The following ANO3 variants were observed in gnomAD, a reference collection of about 807,000 sequenced individuals.
ANO3 encodes anoctamin 3, also known as anoctamin-3.
Under a neutral mutation model 144.8 loss-of-function variants are expected in ANO3, and 99 were observed. The ratio of observed to expected loss-of-function variants is 0.68; its 90% CI spans 0.58 to 0.81. The LOEUF (loss-of-function observed/expected upper bound fraction) is 0.81. ANO3 is among the 30% of genes least tolerant of loss of function. The pLI is 0.00. For missense variants in ANO3, 905 were observed against 1,202.2 expected (o/e 0.75, Z 3.66); for synonymous variants, 414 against 392.6 (o/e 1.05, Z -0.64).
At chr11:26,492,588 A>C (rs1458294716) in intron 4 of ANO3, among the ~76,000 whole-genome samples, 1 of 152,202 alleles carries the variant, frequency 6.6e-6, no homozygotes, top group Non-Finnish European at 1.5e-5. Flanking sequence ...TCCCACACTC[A>C]AAATATCATC....
chr11:26,234,903 G>A (rs995908474), intron 1 of ANO3, among the ~76,000 whole-genome samples: 11 of 151,890 alleles, frequency 7.2e-5, no homozygotes, highest in African/African-American at 2.4e-4. Context: ...TAAGGCCTGA[G>A]GGCCAGAAGT....
intron 1 of ANO3, among the ~76,000 whole-genome samples, chr11:26,312,044 C>T (rs995579688): frequency 2.0e-5 from 3 of 152,130 alleles, no homozygotes; most frequent in East Asian, 1.9e-4. Context: ...GTTCCCCACC[C>T]GGTGTCCAAG....
At chr11:26,362,748 A>C (rs567001400) in intron 1 of ANO3, among the ~76,000 whole-genome samples, 1 of 152,308 alleles carries the variant, frequency 6.6e-6, no homozygotes, top group Admixed American at 6.5e-5. Context: ...ATATTTTGTT[A>C]GTTGCTATTT....
chr11:26,507,386 G>A lies in ANO3; in HGVS notation c.433-718G>A, dbSNP rs1164143757. Among the ~76,000 whole-genome samples the A allele has an allele frequency of 2.0e-5, 3 of 152,196 alleles. No homozygotes were observed. In the East Asian group the frequency reaches 5.8e-4, roughly 29 times the overall value. ...GCAGAGACCATTAAAAATAGCTTAG[G>A]TTGGTGGATACAACAGAGTGAAGGC... On this transcript the variant is annotated intron_variant, in intron 4 of 26. Transcript: ENST00000256737.
intron 1 of ANO3, among the ~76,000 whole-genome samples, chr11:26,315,621 T>C (rs75525792): frequency 2.0e-5 from 3 of 152,244 alleles, no homozygotes; most frequent in South Asian, 2.1e-4. Flanking sequence ...CTTTTTTTTT[T>C]CAAGAGAAAT....
intron 3 of ANO3, among the ~76,000 whole-genome samples, chr11:26,454,743 T>C (rs1227692400): frequency 2.0e-5 from 3 of 151,568 alleles, no homozygotes; most frequent in African/African-American, 7.3e-5. Flanking sequence ...ATCTTCCTGA[T>C]ACCAAAGCCA....
chr11:26,498,533 AATT>A (rs1417875397), intron 4 of ANO3, among the ~76,000 whole-genome samples: 2 of 149,940 alleles, frequency 1.3e-5, no homozygotes, highest in African/African-American at 4.9e-5. Context: ...GATAGTCAAT[AATT>A]ATTAATAATT....
chr11:26,630,692 G>T (rs771978168), intron 18 of ANO3, among the ~76,000 whole-genome samples: 1 of 152,152 alleles, frequency 6.6e-6, no homozygotes, highest in Non-Finnish European at 1.5e-5. Flanking sequence ...ACTAGGCTTA[G>T]TCGAGATATA....
intron 1 of ANO3, among the ~76,000 whole-genome samples, chr11:26,362,550 A>G (rs1855955911): frequency 6.6e-6 from 1 of 152,076 alleles, no homozygotes; most frequent in South Asian, 2.1e-4. Flanking sequence ...GCTGACCCCA[A>G]CCAGAGGAAT....
chr11:26,322,160 G>GA, intron 1 of ANO3, among the ~76,000 whole-genome samples: 1 of 151,920 alleles, frequency 6.6e-6, no homozygotes. Context: ...TTTAGCTCCA[G>GA]AAAATCTTCT....
intron 1 of ANO3, among the ~76,000 whole-genome samples, chr11:26,293,530 CATGTATATATATATATATATATATATAT>C (rs1307306912): frequency 0.021 from 1,286 of 62,430 alleles, 78 homozygotes; most frequent in African/African-American, 0.074. Context: ...CTATAAATTC[CATGTATATATATATATATATATATATAT>C]ATATATATAT....
intron 10 of ANO3, among the ~76,000 whole-genome samples, chr11:26,538,409 C>T (rs1473786667): frequency 2.0e-5 from 3 of 152,126 alleles, no homozygotes; most frequent in African/African-American, 7.2e-5. Flanking sequence ...ATTTAATGTA[C>T]CAGGCCTTGT....
At chr11:26,244,083 C>A (rs2133813413) in intron 1 of ANO3, among the ~76,000 whole-genome samples, 2 of 147,468 alleles carry the variant, frequency 1.4e-5, no homozygotes, top group East Asian at 4.0e-4. Flanking sequence ...TGCCACTGCA[C>A]TCCAACCTCA....
rs1238885647 is a variant in ANO3, at chr11:26,663,257, T to G, written c.*2813T>G. The G allele has an allele frequency of 6.6e-6, 1 of 152,044 alleles. No individual in the cohort carries two copies. The highest frequency in any genetic ancestry group is 1.5e-5 in the Non-Finnish European group (1 of 67,968). 9.4% of individuals were successfully genotyped at this position (152,044 alleles called of 1,614,324 possible). ...TGTATGATGGAATGAATAGAAAACT[T>G]TTTCACTCAATAAATTATTATTTGA... is the stretch of plus-strand genomic sequence containing the variant. On this transcript the variant is annotated 3_prime_UTR_variant, in exon 27 of 27. Coordinates refer to ENST00000256737, the MANE Select transcript of ANO3 (RefSeq NM_031418.4).
chr11:26,318,108 G>A (rs986175186), intron 1 of ANO3, among the ~76,000 whole-genome samples: 4 of 152,104 alleles, frequency 2.6e-5, no homozygotes, highest in African/African-American at 9.7e-5. Context: ...GGGCCTGTCA[G>A]GGAGTTGGGG....
At chr11:26,544,436 T>C (rs946244568) in intron 11 of ANO3, among the ~76,000 whole-genome samples, 2 of 150,022 alleles carry the variant, frequency 1.3e-5, no homozygotes, top group East Asian at 3.9e-4. Context: ...AGGCTAGGGG[T>C]GGAGAGGAGG....
At chr11:26,277,487 T>C (rs1334119610) in intron 1 of ANO3, among the ~76,000 whole-genome samples, 1 of 152,082 alleles carries the variant, frequency 6.6e-6, no homozygotes, top group Non-Finnish European at 1.5e-5. Context: ...TATAAATCCT[T>C]AACACAGTGT....
intron 1 of ANO3, among the ~76,000 whole-genome samples, chr11:26,335,177 G>A (rs147766480): frequency 7.2e-4 from 109 of 152,268 alleles, no homozygotes; most frequent in African/African-American, 2.6e-3. Flanking sequence ...TACAGGTTAT[G>A]TCATTTAATA....
chr11:26,299,006 AAG>A (rs1455722033), intron 1 of ANO3, among the ~76,000 whole-genome samples: 1 of 152,192 alleles, frequency 6.6e-6, no homozygotes, highest in African/African-American at 2.4e-5. Flanking sequence ...GAGTTAGAAA[AAG>A]AGATCTGGAC....
Sources: gnomAD v4.1 joint callset for allele counts (sites outside exome capture counted in the v4.1 genomes callset) on GRCh38, gnomAD v4.1.1 for gene constraint, MANE v1.5 for transcripts, NCBI Gene and HGNC (gene_info 2026-07-23, HGNC 2026-07-21) for gene names.